The following IGF2R variants were observed in gnomAD, a reference collection of about 807,000 sequenced individuals.
The protein encoded by IGF2R is cation-independent mannose-6-phosphate receptor.
Under a neutral mutation model 270.6 loss-of-function variants are expected in IGF2R, and 91 were observed. The ratio of observed to expected loss-of-function variants is 0.34; its 90% CI spans 0.28 to 0.40. IGF2R has a LOEUF of 0.40. Among genes scored for constraint, IGF2R ranks in the 10% least tolerant of loss-of-function variants. The pLI, the probability that IGF2R is intolerant of heterozygous loss-of-function variation, is 1.00. For synonymous variants in IGF2R, 1,316 were observed against 1,258.9 expected (o/e 1.05, Z -0.96); for missense variants, 2,805 against 3,188.3 (o/e 0.88, Z 2.90).
At chr6:160,092,929 C>T (rs1779261598) in intron 44 of IGF2R, among the ~76,000 whole-genome samples, 2 of 152,236 alleles carry the variant, frequency 1.3e-5, no homozygotes, top group Admixed American at 1.3e-4. Context: ...AAGGGTTCCT[C>T]ACTTCTGACA....
At chr6:159,992,569 G>A (rs1783995098) in intron 2 of IGF2R, among the ~76,000 whole-genome samples, 1 of 151,494 alleles carries the variant, frequency 6.6e-6, no homozygotes, top group Non-Finnish European at 1.5e-5. Flanking sequence ...TGGCCAACAT[G>A]TGGAATTTGT....
chr6:160,031,188 A>G (rs1583269904), intron 7 of IGF2R, among the ~76,000 whole-genome samples: 2 of 152,284 alleles, frequency 1.3e-5, no homozygotes, highest in African/African-American at 2.4e-5. Context: ...CTTGTGTGAC[A>G]TGTGCTTGGA....
rs57759831 is a variant in IGF2R at position 160,065,782 on chromosome 6, A to ATGTGTG, written c.4115+909_4115+914dup. Among the ~76,000 whole-genome samples, 270 of 92,978 alleles carry ATGTGTG rather than the reference A, an allele frequency of 2.9e-3. 3 individuals are homozygous for ATGTGTG. Among genetic ancestry groups the ATGTGTG allele is most frequent in the African/African-American group, 3.2e-3 (73 of 22,968 alleles). 61.0% of individuals were successfully genotyped at this position (92,978 alleles called of 152,430 possible). ...AAGCATTTTTCCTAGAGATATGTGT[A>ATGTGTG]TGTGTGTGTGTGTGTGTGTGTGTGT... On this transcript the variant is annotated intron_variant, in intron 29 of 47. Transcript: ENST00000356956.
At chr6:160,049,376 A>G (rs755075742) in intron 18 of IGF2R, among the ~76,000 whole-genome samples, 5 of 152,158 alleles carry the variant, frequency 3.3e-5, no homozygotes, top group Non-Finnish European at 7.4e-5. Flanking sequence ...TAGTGGCCCA[A>G]TGTGCATAGT....
At chr6:160,047,604 G>C (rs1384845584) in intron 16 of IGF2R, among the ~76,000 whole-genome samples, 188 bp from the exon 17 acceptor site, 7 of 152,150 alleles carry the variant, frequency 4.6e-5, no homozygotes, top group African/African-American at 1.7e-4. Context: ...ACTTAGCAGA[G>C]GCTAAATTTT....
In IGF2R at chr6:160,105,157, C is replaced by T. The variant is rs568555432; in HGVS notation, c.*73C>T. ...CCTCCAACCAAATAAGACTTCCACT[C>T]GATGATGCTTCTATAATTTTGCCTT... On this transcript the variant is annotated 3_prime_UTR_variant, in exon 48 of 48. Coordinates refer to ENST00000356956, the MANE Select transcript of IGF2R (RefSeq NM_000876.4). 1.1e-5 allele frequency: 14 copies of T among 1,271,544 alleles called. No individual in the cohort carries two copies. The highest frequency in any genetic ancestry group is 7.5e-5 in the African/African-American group (5 of 66,346). The allele number at this position is 1,271,544 out of a possible 1,614,324, so 78.8% of individuals were successfully genotyped here. A position where few individuals can be genotyped will look rare whatever the true frequency, so the allele number is the denominator to read the frequency against.
intron 1 of IGF2R, among the ~76,000 whole-genome samples, chr6:159,975,684 T>TTTA (rs372803317): frequency 7.1e-5 from 10 of 141,732 alleles, no homozygotes; most frequent in African/African-American, 2.6e-4. Context: ...TTATATATAT[T>TTTA]TATATATATA....
At chr6:160,078,473 T>G in intron 37 of IGF2R, 111 bp downstream of exon 37, 7 of 1,014,192 alleles carry the variant, frequency 6.9e-6, no homozygotes, top group East Asian at 2.4e-5. Context: ...AGAGGGTGTA[T>G]GTGGCCACTG....
chr6:160,071,913 T>G lies in IGF2R; in HGVS notation c.4447T>G (p.Ser1483Ala). 6.2e-7 allele frequency: 1 copy of G among 1,614,168 alleles called. No homozygotes were observed. Among genetic ancestry groups the G allele is most frequent in the African/African-American group, 1.3e-5 (1 of 75,052 alleles). The change falls in exon 32 of 48, where the codon TCC becomes GCC. Residue 1483 changes from serine to alanine, a missense_variant. Coordinates refer to ENST00000356956, the MANE Select transcript of IGF2R (RefSeq NM_000876.4). Reference protein sequence around the residue: ...RFTCSESQVNSRPMFISAVED... With the variant: ...RFTCSESQVNARPMFISAVED... The stretch of plus-strand genomic sequence containing the variant: ...ACCTGTCTGTGCTTTGTTGTAGAAC[T>G]CCAGGCCCATGTTCATCAGCGCCGT...
intron 13 of IGF2R, among the ~76,000 whole-genome samples, chr6:160,044,904 G>A (rs8191791): frequency 0.013 from 1,980 of 152,244 alleles, 35 homozygotes; most frequent in African/African-American, 0.038. Context: ...GGGTCTCAGC[G>A]CTGTATCCTC....
At chr6:160,037,794 G>A (rs1777859796) in intron 10 of IGF2R, among the ~76,000 whole-genome samples, 1 of 152,072 alleles carries the variant, frequency 6.6e-6, no homozygotes, top group Non-Finnish European at 1.5e-5. Context: ...TGGGGCTGGG[G>A]TCGGGGGTGC....
intron 32 of IGF2R, among the ~76,000 whole-genome samples, chr6:160,072,521 A>G (rs1446752413): frequency 6.6e-6 from 1 of 152,170 alleles, no homozygotes; most frequent in Non-Finnish European, 1.5e-5. Context: ...CTGCTGTGGT[A>G]TGGCCCAGCA....
chr6:160,031,386 AT>A (rs951054931), intron 7 of IGF2R, among the ~76,000 whole-genome samples: 2 of 151,128 alleles, frequency 1.3e-5, no homozygotes, highest in Admixed American at 6.6e-5. Context: ...GGTTATTAGT[AT>A]TTTTTTTTAG....
At chr6:160,051,946 CCT>C (rs775075376) in intron 19 of IGF2R, among the ~76,000 whole-genome samples, 2 of 149,564 alleles carry the variant, frequency 1.3e-5, no homozygotes, top group Non-Finnish European at 3.0e-5. Context: ...AAAGCGAGCC[CCT>C]GTCTCAAAAA....
chr6:160,082,824 A>C (rs1467610130), intron 39 of IGF2R, among the ~76,000 whole-genome samples: 1 of 152,212 alleles, frequency 6.6e-6, no homozygotes, highest in Non-Finnish European at 1.5e-5. Context: ...TGGAGTCTGC[A>C]GGTGCTCCTG....
intron 29 of IGF2R, among the ~76,000 whole-genome samples, chr6:160,067,370 C>G (rs1018651902): frequency 2.0e-5 from 3 of 152,040 alleles, no homozygotes; most frequent in Non-Finnish European, 4.4e-5. Flanking sequence ...GCCTCTGCCC[C>G]CCGAACTTCA....
At chr6:160,092,099 A>T (rs943214773) in intron 44 of IGF2R, among the ~76,000 whole-genome samples, 3 of 145,596 alleles carry the variant, frequency 2.1e-5, no homozygotes, top group Admixed American at 6.8e-5. Flanking sequence ...GTGTGTCTGC[A>T]GGATTCCAAA....
rs1175187592 is a variant in IGF2R, at chr6:160,061,749, C to T, written c.3407-4C>T. 1.9e-6 allele frequency: 3 copies of T among 1,614,104 alleles called. No homozygotes were observed. The highest frequency in any genetic ancestry group is 3.3e-5 in the Admixed American group (2 of 60,024). Reference sequence around the variant, plus strand: ...TGCCCAAACCACTTATTCTGTTCTTCCAGGCAGCGCAGTGGGGTCTTGCTT... The same window carrying T: ...TGCCCAAACCACTTATTCTGTTCTTTCAGGCAGCGCAGTGGGGTCTTGCTT... On this transcript the variant is annotated splice_polypyrimidine_tract_variant and splice_region_variant and intron_variant, in intron 24 of 47. Coordinates refer to ENST00000356956, the MANE Select transcript of IGF2R (RefSeq NM_000876.4).
At chr6:160,025,367 G>T (rs1777537303) in intron 5 of IGF2R, among the ~76,000 whole-genome samples, 1 of 152,188 alleles carries the variant, frequency 6.6e-6, no homozygotes, top group Non-Finnish European at 1.5e-5. Flanking sequence ...TTTCTGCAGT[G>T]CTAGCCATGA....
Sources: gnomAD v4.1 joint callset for allele counts (sites outside exome capture counted in the v4.1 genomes callset) on GRCh38, gnomAD v4.1.1 for gene constraint, MANE v1.5 for transcripts, NCBI Gene and HGNC (gene_info 2026-07-23, HGNC 2026-07-21) for gene names.